The following ZNF525 variants were observed in gnomAD, a reference collection of about 807,000 sequenced individuals.
ZNF525 encodes zinc finger protein 525.
Under a neutral mutation model 37.6 loss-of-function variants are expected in ZNF525, and 33 were observed. The observed-to-expected ratio is 0.88, with a 90% confidence interval of 0.67 to 1.17. The LOEUF (loss-of-function observed/expected upper bound fraction) is 1.17, where lower values mean the gene tolerates loss of function less well. ZNF525 is among the 50% of genes most tolerant of loss of function. The pLI is 0.00. For synonymous variants in ZNF525, 170 were observed against 182.3 expected (o/e 0.93, Z 0.54); for missense variants, 449 against 543.1 (o/e 0.83, Z 1.72).
chr19:53,371,364 A>G (rs1199169427), intron 1 of ZNF525, among the ~76,000 whole-genome samples: 2 of 151,434 alleles, frequency 1.3e-5, no homozygotes, highest in Non-Finnish European at 1.5e-5. Context: ...ACACTCAGCT[A>G]ATTATTGTAT....
chr19:53,372,123 A>G (rs1176616201), intron 1 of ZNF525, 92 bp from the exon 2 acceptor site: 3 of 504,746 alleles, frequency 5.9e-6, no homozygotes, highest in Non-Finnish European at 1.1e-5. Flanking sequence ...ACTGTATTTC[A>G]TCAGGGTGAG....
intron 1 of ZNF525, among the ~76,000 whole-genome samples, chr19:53,368,951 T>A (rs112461347): frequency 1.1e-4 from 17 of 152,186 alleles, no homozygotes; most frequent in African/African-American, 4.1e-4. Context: ...AATCTTTTTC[T>A]GGGGTCTCAG....
chr19:53,381,597 T>A lies in ZNF525; in HGVS notation c.1018T>A (p.Ser340Thr). Residue 340 changes from serine (S) to threonine (T), a missense_variant, in exon 4 of 4, where the codon TCA becomes ACA. Physicochemically the swap from Ser to Thr is moderately conservative, Grantham distance 58 (BLOSUM62 1). Coordinates refer to ENST00000474037, the MANE Select transcript of ZNF525 (RefSeq NM_001348156.2). ...NECGKTFSQK[S>T]YLACHRSIHT... ...GTGTGGCAAGACCTTTAGTCAGAAG[T>A]CATACCTTGCATGCCATCGTAGCAT... 8.9e-7 allele frequency: 1 copy of A among 1,118,926 alleles called. No individual in the cohort carries two copies. The highest frequency in any genetic ancestry group is 1.4e-6 in the Non-Finnish European group (1 of 727,572). 69.3% of individuals were successfully genotyped at this position (1,118,926 alleles called of 1,614,324 possible).
Position 53,382,662 on chromosome 19 carries a change from G to A in ZNF525, c.*643G>A. The A allele has an allele frequency of 1.4e-6, 1 of 722,100 alleles. No homozygotes were observed. The highest frequency in any genetic ancestry group is 2.6e-6 in the Non-Finnish European group (1 of 390,198). The allele number at this position is 722,100 out of a possible 1,614,324, so 44.7% of individuals were successfully genotyped here. On this transcript the variant is annotated 3_prime_UTR_variant, in exon 4 of 4. Coordinates refer to ENST00000474037, the MANE Select transcript of ZNF525 (RefSeq NM_001348156.2). ...GGGAAACTTTACAAATGTAATGATT[G>A]TCACCACGTCTTCAGTAATGCTACA...
intron 2 of ZNF525, among the ~76,000 whole-genome samples, chr19:53,374,122 A>G (rs1192570798): frequency 1.3e-5 from 2 of 152,098 alleles, no homozygotes; most frequent in Admixed American, 6.6e-5. Context: ...ACCTAAGATG[A>G]TCCACACACC....
At chr19:53,380,142 G>C (rs1300790208) in intron 3 of ZNF525, among the ~76,000 whole-genome samples, 2 of 151,312 alleles carry the variant, frequency 1.3e-5, no homozygotes, top group Admixed American at 1.3e-4. Context: ...CCAGGCTGAA[G>C]TACAGTGGTG....
intron 1 of ZNF525, among the ~76,000 whole-genome samples, chr19:53,371,656 A>G (rs1426181242): frequency 2.0e-5 from 3 of 152,138 alleles, no homozygotes; most frequent in Non-Finnish European, 4.4e-5. Flanking sequence ...GGCGTGAGCC[A>G]CTGTGACTGG....
chr19:53,382,860 T>A lies in ZNF525; in HGVS notation c.*841T>A. The A allele has an allele frequency of 7.4e-7, 1 of 1,355,156 alleles. No homozygotes were observed. The highest frequency in any genetic ancestry group is 1.7e-5 in the Admixed American group (1 of 57,158). 83.9% of individuals were successfully genotyped at this position (1,355,156 alleles called of 1,614,324 possible). A position where few individuals can be genotyped will look rare whatever the true frequency, so the allele number is the denominator to read the frequency against. On this transcript the variant is annotated 3_prime_UTR_variant, in exon 4 of 4. Coordinates refer to ENST00000474037, the MANE Select transcript of ZNF525 (RefSeq NM_001348156.2). ...AAAGCTTTCAGATTCAAATCAAACC[T>A]TGAAAGTCATAGGAGAATTCATACT...
Position 53,383,221 on chromosome 19 carries a change from T to C in ZNF525, c.*1202T>C. ...TTGTAATTCATAAGACAATTCACAC[T>C]GGGGAGAAACCTTACAAGTGTAATG... On this transcript the variant is annotated 3_prime_UTR_variant, in exon 4 of 4. Coordinates refer to ENST00000474037, the MANE Select transcript of ZNF525 (RefSeq NM_001348156.2). 7.0e-7 allele frequency: 1 copy of C among 1,427,168 alleles called. No individual in the cohort carries two copies. The highest frequency in any genetic ancestry group is 9.7e-7 in the Non-Finnish European group (1 of 1,035,836). The allele number at this position is 1,427,168 out of a possible 1,614,324, so 88.4% of individuals were successfully genotyped here.
At position 53,383,595 on chromosome 19, in the gene ZNF525, G is replaced by A. The variant is rs2085583921; in HGVS notation, c.*1576G>A. The A allele has an allele frequency of 7.0e-7, 1 of 1,436,332 alleles. No homozygotes were observed. Among genetic ancestry groups the A allele is most frequent in the Non-Finnish European group, 9.4e-7 (1 of 1,065,586 alleles). 89.0% of individuals were successfully genotyped at this position (1,436,332 alleles called of 1,614,324 possible). A position where few individuals can be genotyped will look rare whatever the true frequency, so the allele number is the denominator to read the frequency against. On this transcript the variant is annotated 3_prime_UTR_variant, in exon 4 of 4. Coordinates refer to ENST00000474037, the MANE Select transcript of ZNF525 (RefSeq NM_001348156.2). ...TGTAATGAGTGTGTCAAAGCCTTTA[G>A]TGGGCAGTCAACACTTATTCACCAT...
rs1365860361 is a variant in ZNF525 at position 53,372,281 on chromosome 19, G to T, written c.-1G>T. The T allele has an allele frequency of 2.6e-6, 2 of 778,978 alleles. No individual in the cohort carries two copies. Among genetic ancestry groups the T allele is most frequent in the African/African-American group, 3.4e-5 (2 of 58,890 alleles). The allele number at this position is 778,978 out of a possible 1,614,324, so 48.3% of individuals were successfully genotyped here. ...GGAAAAGGAAAGCAGAGGAGTCAGGGATGGCTCTTCCTCAGGTGAGACGAT... is the reference window on the plus strand; with the variant it reads ...GGAAAAGGAAAGCAGAGGAGTCAGGTATGGCTCTTCCTCAGGTGAGACGAT... On this transcript the variant is annotated 5_prime_UTR_variant, in exon 2 of 4. Transcript: ENST00000474037.
At chr19:53,376,007 G>T (rs1399258220) in intron 3 of ZNF525, 111 bp downstream of exon 3, 2 of 1,581,824 alleles carry the variant, frequency 1.3e-6, no homozygotes, top group African/African-American at 1.4e-5. Context: ...GGGTGCAATG[G>T]TGTGATCATG....
chr19:53,370,684 GAAAA>G (rs11417342), intron 1 of ZNF525, among the ~76,000 whole-genome samples: 1 of 150,962 alleles, frequency 6.6e-6, no homozygotes, highest in Admixed American at 6.6e-5. Context: ...CCCCAAAAAT[GAAAA>G]AAAAATAATA....
chr19:53,383,630 C>CTT lies in ZNF525; in HGVS notation c.*1611_*1612insTT. The CTT allele has an allele frequency of 8.1e-7, 1 of 1,233,304 alleles. No homozygotes were observed. The highest frequency in any genetic ancestry group is 1.1e-6 in the Non-Finnish European group (1 of 892,944). The allele number at this position is 1,233,304 out of a possible 1,614,324, so 76.4% of individuals were successfully genotyped here. The stretch of plus-strand genomic sequence containing the variant: ...AACACTTATTCACCATCAGGCAATC[C>CTT]GTAGTGTAGGGAAACTTGACTAACG... On this transcript the variant is annotated 3_prime_UTR_variant, in exon 4 of 4. Transcript: ENST00000474037.
intron 1 of ZNF525, among the ~76,000 whole-genome samples, chr19:53,370,799 G>T (rs1418505573): frequency 6.6e-6 from 1 of 152,162 alleles, no homozygotes; most frequent in East Asian, 1.9e-4. Context: ...ATCTAAAGCA[G>T]GTCACGTCAG....
At position 53,386,092 on chromosome 19, in the gene ZNF525, G is replaced by A. The variant is rs2085604779; in HGVS notation, c.*4073G>A. 2.8e-6 allele frequency: 1 copy of A among 354,024 alleles called. No homozygotes were observed. The highest frequency in any genetic ancestry group is 3.9e-5 in the Admixed American group (1 of 25,708). 21.9% of individuals were successfully genotyped at this position (354,024 alleles called of 1,614,324 possible). On this transcript the variant is annotated 3_prime_UTR_variant, in exon 4 of 4. Transcript: ENST00000474037. ...AATCTCTTGAACCCAGGAGGTGGAG[G>A]ATGCAGTGAACTGAGATGGCAACAT...
Position 53,381,272 on chromosome 19 carries a change from G to A in ZNF525, c.693G>A (p.Arg231=). The A allele has an allele frequency of 7.0e-7, 1 of 1,426,974 alleles. No homozygotes were observed. Among genetic ancestry groups the A allele is most frequent in the Non-Finnish European group, 9.9e-7 (1 of 1,009,574 alleles). The allele number at this position is 1,426,974 out of a possible 1,614,324, so 88.4% of individuals were successfully genotyped here. The change falls in exon 4 of 4, where the codon AGG becomes AGA. Residue 231 remains arginine (R), a synonymous_variant. Transcript: ENST00000474037. Reference sequence around the variant, plus strand: ...CCTTTAATTATAGCTCACTCTTAAGGAAACATCAGATTATTCATCTAGGAG... The same window carrying A: ...CCTTTAATTATAGCTCACTCTTAAGAAAACATCAGATTATTCATCTAGGAG... ...GKAFNYSSLL[R]KHQIIHLGEK...
In ZNF525 at chr19:53,382,306, A is replaced by C; in HGVS notation, c.*287A>C. The C allele has an allele frequency of 7.2e-7, 1 of 1,392,280 alleles. No homozygotes were observed. Among genetic ancestry groups the C allele is most frequent in the Non-Finnish European group, 1.0e-6 (1 of 979,028 alleles). The allele number at this position is 1,392,280 out of a possible 1,614,324, so 86.2% of individuals were successfully genotyped here. Reference sequence around the variant, plus strand: ...TGCCATCATAGACTTCATACTGGAGAGAAACCTTACAAATGTGAAGAATGT... The same window carrying C: ...TGCCATCATAGACTTCATACTGGAGCGAAACCTTACAAATGTGAAGAATGT... On this transcript the variant is annotated 3_prime_UTR_variant, in exon 4 of 4. Transcript: ENST00000474037.
intron 1 of ZNF525, among the ~76,000 whole-genome samples, chr19:53,370,004 G>C (rs1017858722): frequency 2.0e-5 from 3 of 150,910 alleles, no homozygotes; most frequent in Non-Finnish European, 4.4e-5. Flanking sequence ...GATTACAGGC[G>C]TGAGCCACCG....
Sources: allele counts gnomAD v4.1 joint callset (sites outside exome capture counted in the v4.1 genomes callset), GRCh38; gene constraint gnomAD v4.1.1; transcripts MANE v1.5; gene names NCBI Gene and HGNC (gene_info 2026-07-23, HGNC 2026-07-21).